DYSF: variants seen among roughly 807,000 people sequenced by gnomAD.
DYSF encodes dystrophy-associated fer-1-like 1.
In DYSF, 212 loss-of-function variants were observed where a neutral mutation model predicts 274.9. The observed-to-expected ratio is 0.77, with a 90% CI of 0.69 to 0.86. The LOEUF is 0.86. Among genes scored for constraint, DYSF ranks in the 40% least tolerant of loss-of-function variants. The pLI is 0.00. For synonymous variants in DYSF, 1,091 were observed against 1,078.7 expected (o/e 1.01, Z -0.22); for missense variants, 2,666 against 2,783.2 (o/e 0.96, Z 0.95).
intron 1 of DYSF, among the ~76,000 whole-genome samples, chr2:71,478,867 C>G (rs2082636623): frequency 6.6e-6 from 1 of 152,124 alleles, no homozygotes. Flanking sequence ...TTCAAATCCT[C>G]CCTCACCCCT....
At chr2:71,499,571 C>T (rs1315343031) in intron 3 of DYSF, among the ~76,000 whole-genome samples, 2 of 152,238 alleles carry the variant, frequency 1.3e-5, no homozygotes, top group Non-Finnish European at 2.9e-5. Flanking sequence ...TGCCTCCTTC[C>T]CTTCTGCCAT....
intron 42 of DYSF, among the ~76,000 whole-genome samples, chr2:71,646,102 G>T (rs968684367): frequency 1.3e-5 from 2 of 152,230 alleles, no homozygotes; most frequent in African/African-American, 4.8e-5. Context: ...GCTGCTCAGA[G>T]ATGAGGCACA....
chr2:71,462,108 A>G (rs900833360), upstream of DYSF, among the ~76,000 whole-genome samples: 1 of 152,156 alleles, frequency 6.6e-6, no homozygotes, highest in Non-Finnish European at 1.5e-5. Context: ...CTGCCCACTC[A>G]GCCTGGCAGG....
rs111543503 is a variant in DYSF, at chr2:71,575,816, G to C, written c.3402+1445G>C. Among the ~76,000 whole-genome samples the C allele has an allele frequency of 7.7e-3, 1,147 of 149,242 alleles. 10 individuals carry two copies. Among genetic ancestry groups the C allele is most frequent in the African/African-American group, 0.025 (1,004 of 40,902 alleles). On this transcript the variant is annotated intron_variant, in intron 30 of 55. Coordinates refer to ENST00000410020, the MANE Select transcript of DYSF (RefSeq NM_001130987.2). ...GCTCACAGAGCTGGGAAGAACCCGA[G>C]AGGTGAAGCAGGCATTAGGCCTGGC...
At chr2:71,571,925 GCACAGATCACA>G (rs1338940914) in intron 29 of DYSF, among the ~76,000 whole-genome samples, 11 of 93,482 alleles carry the variant, frequency 1.2e-4, no homozygotes, top group Non-Finnish European at 1.9e-4. Context: ...CCCAGCACAT[GCACAGATCACA>G]CACAGATCAC....
rs773468156 is a variant in DYSF, at chr2:71,564,081, C to T, written c.2433C>T (p.Ile811=). Residue 811 remains isoleucine, a synonymous_variant, in exon 24 of 56, where the codon ATC becomes ATT. Transcript: ENST00000410020. The part of the protein sequence containing the change: ...AEEPQNSLPD[I]VIWMLQGDKR... ...AGCCCCAGAACAGCCTGCCGGACAT[C>T]GTCATCTGGATGCTGCAGGGAGACA... is the stretch of plus-strand genomic sequence containing the variant. The T allele has an allele frequency of 7.4e-6, 12 of 1,614,236 alleles. No individual in the cohort carries two copies. The East Asian group carries it at 1.1e-4, about 15-fold the overall frequency.
At chr2:71,622,252 A>C (rs750497626) in intron 41 of DYSF, among the ~76,000 whole-genome samples, 1 of 149,334 alleles carries the variant, frequency 6.7e-6, no homozygotes, top group Admixed American at 6.8e-5. Flanking sequence ...TTTCCTCATG[A>C]CTTTGTCGAA....
At chr2:71,574,401 G>T in intron 30 of DYSF, 30 bp downstream of exon 30, 1 of 1,610,294 alleles carries the variant, frequency 6.2e-7, no homozygotes, top group Non-Finnish European at 8.5e-7. Flanking sequence ...TCCTGGCTTG[G>T]GTAGGGTATA....
At chr2:71,539,571 GC>G (rs1456736584) in intron 17 of DYSF, among the ~76,000 whole-genome samples, 2 of 151,398 alleles carry the variant, frequency 1.3e-5, no homozygotes, top group African/African-American at 4.9e-5. Context: ...TATTGAAATA[GC>G]TCTTACTGTT....
intron 17 of DYSF, among the ~76,000 whole-genome samples, chr2:71,546,032 A>G (rs1378483509): frequency 1.3e-5 from 2 of 151,952 alleles, no homozygotes; most frequent in Non-Finnish European, 2.9e-5. Flanking sequence ...AAGTGGCAGT[A>G]AAAGAGTTAA....
At chr2:71,617,846 T>G (rs2093934609) in intron 40 of DYSF, among the ~76,000 whole-genome samples, 4 of 58,682 alleles carry the variant, frequency 6.8e-5, no homozygotes, top group East Asian at 6.0e-4. Flanking sequence ...GTGTGTGTGG[T>G]AGAGATGGGG....
At chr2:71,682,725 G>C (rs1179143742) in intron 55 of DYSF, 48 bp downstream of exon 55, 1 of 1,588,104 alleles carries the variant, frequency 6.3e-7, no homozygotes, top group Non-Finnish European at 8.6e-7. Context: ...GGGTCTAATG[G>C]GGGAGTTCAT....
At chr2:71,470,623 A>G (rs368822746) in intron 1 of DYSF, among the ~76,000 whole-genome samples, 322 of 147,234 alleles carry the variant, frequency 2.2e-3, no homozygotes, top group African/African-American at 7.7e-3. Flanking sequence ...GCAGTGAGCC[A>G]AGATTGAGCC....
intron 41 of DYSF, among the ~76,000 whole-genome samples, chr2:71,633,839 T>C (rs2152912917): frequency 6.6e-6 from 1 of 152,334 alleles, no homozygotes; most frequent in Middle Eastern, 3.4e-3. Context: ...ACAAGTTCTG[T>C]ACCTGCCCCC....
chr2:71,669,349 G>A (rs532746469), intron 50 of DYSF, 142 bp downstream of exon 50: 8 of 907,956 alleles, frequency 8.8e-6, no homozygotes, highest in African/African-American at 1.7e-5. Flanking sequence ...GGTGGTCCCT[G>A]CCTTTGGGGA....
At chr2:71,685,174 C>T (rs2095341634) in intron 55 of DYSF, among the ~76,000 whole-genome samples, 1 of 152,196 alleles carries the variant, frequency 6.6e-6, no homozygotes, top group African/African-American at 2.4e-5. Flanking sequence ...CCTTCCTCAT[C>T]GCTGTGGGCA....
chr2:71,677,189 C>T (rs570181093), intron 52 of DYSF, among the ~76,000 whole-genome samples: 17 of 151,798 alleles, frequency 1.1e-4, no homozygotes, highest in South Asian at 8.3e-4. Context: ...TCAAAGCAGA[C>T]GCACAGATGG....
intron 7 of DYSF, among the ~76,000 whole-genome samples, chr2:71,514,500 A>G (rs1385272474): frequency 6.6e-6 from 1 of 152,246 alleles, no homozygotes; most frequent in Non-Finnish European, 1.5e-5. Flanking sequence ...AATAAAAGCT[A>G]TTAATATGAA....
intron 42 of DYSF, among the ~76,000 whole-genome samples, chr2:71,645,169 C>T (rs180713091): frequency 5.3e-4 from 80 of 152,298 alleles, no homozygotes; most frequent in East Asian, 3.9e-3. Context: ...ATCACAAGCA[C>T]AGAGGGCTTT....
Sources: allele counts gnomAD v4.1 joint callset (sites outside exome capture counted in the v4.1 genomes callset), GRCh38; gene constraint gnomAD v4.1.1; transcripts MANE v1.5; gene names NCBI Gene and HGNC (gene_info 2026-07-23, HGNC 2026-07-21).